Variants in HRH2 observed in about 807,000 individuals in gnomAD.
HRH2 encodes the protein histamine receptor H2.
HRH2 carries 4 observed loss-of-function variants against 20.1 expected under a neutral mutation model. The observed-to-expected ratio is 0.20, with a 90% CI of 0.10 to 0.45. HRH2 has a LOEUF of 0.45. Ranked by LOEUF, HRH2 falls within the 20% of genes least tolerant of loss-of-function variation. The pLI is 0.99. For missense variants in HRH2, 250 were observed against 461.6 expected, an observed-to-expected ratio of 0.54 and a Z score of 4.20; for synonymous variants, 197 against 200.7, an observed-to-expected ratio of 0.98 and a Z score of 0.16.
chr5:175,660,108 G>A (rs7443900), intron 1 of HRH2, among the ~76,000 whole-genome samples: 10,404 of 152,204 alleles, frequency 0.068, 611 homozygotes, highest in African/African-American at 0.16. Flanking sequence ...GGAAAAACAA[G>A]ACCAGCTGTG....
intron 2 of HRH2, chr5:175,685,264 T>G (rs1756131112): frequency 6.2e-6 from 4 of 641,312 alleles, no homozygotes; most frequent in Non-Finnish European, 1.1e-5. Flanking sequence ...AAGACCTGAG[T>G]GGCACCGAGG....
chr5:175,659,664 C>G (rs1561715913), intron 1 of HRH2, among the ~76,000 whole-genome samples: 1 of 152,170 alleles, frequency 6.6e-6, no homozygotes, highest in African/African-American at 2.4e-5. Context: ...CTGCCCGCCT[C>G]CAGGGTGCTT....
intron 1 of HRH2, among the ~76,000 whole-genome samples, chr5:175,676,353 T>A (rs1237573409): frequency 6.6e-6 from 1 of 152,252 alleles, no homozygotes; most frequent in Non-Finnish European, 1.5e-5. Context: ...AGCTGTTGCT[T>A]GCTACCGCCC....
intron 1 of HRH2, among the ~76,000 whole-genome samples, chr5:175,678,272 TCATGCA>T: frequency 6.6e-6 from 1 of 152,304 alleles, no homozygotes; most frequent in South Asian, 2.1e-4. Flanking sequence ...TCGGTATGTG[TCATGCA>T]CATGAATGCT....
At position 175,677,677 on chromosome 5, in the gene HRH2, G is replaced by T. The variant is rs149742161; in HGVS notation, c.-525-5032G>T. On this transcript the variant is annotated intron_variant, in intron 1 of 2. Transcript: ENST00000636584. The surrounding 1 kb of genome is among the most constrained non-coding windows in gnomAD (Gnocchi z 4.2). ...TGGGGCCACTTCCTGATACCCTCAG[G>T]AGGCACCTGGAACATTTGAAGTGGT... Among the ~76,000 whole-genome samples, 322 of 152,322 alleles carry T rather than the reference G, an allele frequency of 2.1e-3. No individual in the cohort carries two copies. Among genetic ancestry groups the T allele is most frequent in the African/African-American group, 7.6e-3 (315 of 41,572 alleles).
intron 2 of HRH2, among the ~76,000 whole-genome samples, chr5:175,696,406 C>T (rs1320379268): frequency 2.6e-5 from 4 of 152,176 alleles, no homozygotes; most frequent in South Asian, 2.1e-4. Flanking sequence ...CCCACTTTGC[C>T]GTGGGGCCAC....
At chr5:175,665,827 C>T (rs573638844) in intron 1 of HRH2, among the ~76,000 whole-genome samples, 2 of 152,086 alleles carry the variant, frequency 1.3e-5, no homozygotes, top group South Asian at 4.2e-4. Flanking sequence ...CCTGGCTCTC[C>T]AAGAACACCA....
In HRH2 at chr5:175,710,704, C is replaced by A. The variant is rs1240166737; in HGVS notation, c.*2733C>A. On this transcript the variant is annotated 3_prime_UTR_variant, in exon 3 of 3. Transcript: ENST00000636584. ...GGAGGAGGAACATCTGTGGTGGGAC[C>A]CCAAATCCATGTTTGTGTTACCATC... The A allele has an allele frequency of 6.6e-6, 1 of 152,190 alleles. No homozygotes were observed. Among genetic ancestry groups the A allele is most frequent in the African/African-American group, 2.4e-5 (1 of 41,454 alleles). The allele number at this position is 152,190 out of a possible 1,614,324, so 9.4% of individuals were successfully genotyped here.
intron 1 of HRH2, among the ~76,000 whole-genome samples, chr5:175,680,315 G>A (rs1030952770): frequency 2.0e-5 from 3 of 152,208 alleles, no homozygotes; most frequent in Admixed American, 6.5e-5. Flanking sequence ...AGAGGCAGTT[G>A]CTGAGTAGCA....
chr5:175,669,398 C>T (rs1755437051), intron 1 of HRH2, among the ~76,000 whole-genome samples: 1 of 146,482 alleles, frequency 6.8e-6, no homozygotes, highest in Non-Finnish European at 1.5e-5. Context: ...GAGCCTCACT[C>T]TGTCGCCCAG....
At chr5:175,680,867 C>A (rs1755939318) in intron 1 of HRH2, among the ~76,000 whole-genome samples, 2 of 152,136 alleles carry the variant, frequency 1.3e-5, no homozygotes, top group South Asian at 4.1e-4. Context: ...CATTGTCCCC[C>A]CAGCACCTGG....
chr5:175,672,052 TC>T (rs1170147628), intron 1 of HRH2, among the ~76,000 whole-genome samples: 6 of 152,026 alleles, frequency 3.9e-5, no homozygotes, highest in Admixed American at 1.3e-4. Flanking sequence ...CATGATTCCT[TC>T]CCTTCACCCC....
chr5:175,668,911 G>A (rs184808564), intron 1 of HRH2, among the ~76,000 whole-genome samples: 1 of 152,344 alleles, frequency 6.6e-6, no homozygotes, highest in African/African-American at 2.4e-5. Flanking sequence ...ACTCAGTGCA[G>A]AATCACGGAA....
intron 1 of HRH2, among the ~76,000 whole-genome samples, chr5:175,672,132 C>T (rs1460270153): frequency 6.6e-6 from 1 of 152,176 alleles, no homozygotes; most frequent in Non-Finnish European, 1.5e-5. Flanking sequence ...CAATTTTCTG[C>T]TGAGGAAACT....
At chr5:175,674,330 G>A (rs1164641965) in intron 1 of HRH2, among the ~76,000 whole-genome samples, 1 of 152,176 alleles carries the variant, frequency 6.6e-6, no homozygotes, top group African/African-American at 2.4e-5. Flanking sequence ...TATCAAATGG[G>A]AACATGACAA....
intron 2 of HRH2, among the ~76,000 whole-genome samples, chr5:175,707,349 G>T (rs1017441471): frequency 1.3e-5 from 2 of 152,192 alleles, no homozygotes; most frequent in Admixed American, 1.3e-4. Context: ...AGGATCCCTT[G>T]AGCCCAGGAG....
At chr5:175,674,388 G>A (rs577538738) in intron 1 of HRH2, among the ~76,000 whole-genome samples, 32 of 152,302 alleles carry the variant, frequency 2.1e-4, no homozygotes, top group Non-Finnish European at 3.7e-4. Context: ...TGCCCGGCAC[G>A]TGGTAGGTGC....
At chr5:175,680,469 T>G (rs931083459) in intron 1 of HRH2, among the ~76,000 whole-genome samples, 7 of 152,244 alleles carry the variant, frequency 4.6e-5, no homozygotes, top group Non-Finnish European at 1.0e-4. Flanking sequence ...CTCTGATTTT[T>G]GGCCCTTTCT....
At chr5:175,664,088 A>T (rs1249222896) in intron 1 of HRH2, among the ~76,000 whole-genome samples, 1 of 152,168 alleles carries the variant, frequency 6.6e-6, no homozygotes, top group African/African-American at 2.4e-5. Flanking sequence ...TGCCAGCCCC[A>T]TGGGGACAGT....
Sources: gnomAD v4.1 joint callset for allele counts (sites outside exome capture counted in the v4.1 genomes callset) on GRCh38, gnomAD v4.1.1 for gene constraint, Gnocchi (gnomAD v3.1) non-coding constraint, MANE v1.5 for transcripts, NCBI Gene and HGNC (gene_info 2026-07-23, HGNC 2026-07-21) for gene names.